Variants in COG5 observed in about 807,000 individuals in gnomAD.
COG5 encodes the protein conserved oligomeric Golgi complex subunit 5.
A neutral mutation model predicts 110.4 loss-of-function variants in COG5; 86 were observed. The ratio of observed to expected loss-of-function variants is 0.78; its 90% CI spans 0.65 to 0.93. COG5 has a LOEUF of 0.93. COG5 is among the 40% of genes least tolerant of loss of function. The pLI, the probability that COG5 is intolerant of heterozygous loss-of-function variation, is 0.00. For synonymous variants in COG5, 360 were observed against 334.6 expected (o/e 1.08, Z -0.83); for missense variants, 1,077 against 987.0 (o/e 1.09, Z -1.22).
intron 10 of COG5, among the ~76,000 whole-genome samples, chr7:107,355,731 AAGAC>A (rs1812569828): frequency 6.6e-6 from 1 of 152,218 alleles, no homozygotes; most frequent in Admixed American, 6.5e-5. Flanking sequence ...AAAAACTATG[AAGAC>A]AGTAAAAAGA....
chr7:107,342,664 C>T (rs936531536), intron 10 of COG5, among the ~76,000 whole-genome samples: 2 of 151,680 alleles, frequency 1.3e-5, no homozygotes, highest in Non-Finnish European at 1.5e-5. Context: ...GGCAACAGAG[C>T]GAGACTCTGT....
intron 7 of COG5, among the ~76,000 whole-genome samples, chr7:107,384,186 A>G (rs766556216): frequency 1.3e-5 from 2 of 152,074 alleles, no homozygotes; most frequent in Non-Finnish European, 2.9e-5. Context: ...GAACCCTTAG[A>G]TTGGCCTCTA....
chr7:107,335,767 G>C (rs929386244), intron 10 of COG5, among the ~76,000 whole-genome samples: 3 of 152,084 alleles, frequency 2.0e-5, no homozygotes, highest in Non-Finnish European at 4.4e-5. Context: ...TGAATGTAAA[G>C]GGATGCAAAA....
At chr7:107,261,852 T>G (rs1413568568) in intron 14 of COG5, among the ~76,000 whole-genome samples, 1 of 152,130 alleles carries the variant, frequency 6.6e-6, no homozygotes, top group Non-Finnish European at 1.5e-5. Context: ...AATTTTAATT[T>G]CTGTAAGTAC....
At chr7:107,458,976 C>T (rs1255911151) in intron 6 of COG5, among the ~76,000 whole-genome samples, 3 of 151,002 alleles carry the variant, frequency 2.0e-5, no homozygotes, top group East Asian at 3.9e-4. Flanking sequence ...GCCAATAAGT[C>T]AGCAGAGAAG....
At chr7:107,358,572 T>C (rs1323947768) in intron 10 of COG5, among the ~76,000 whole-genome samples, 1 of 152,226 alleles carries the variant, frequency 6.6e-6, no homozygotes, top group African/African-American at 2.4e-5. Flanking sequence ...AGGTTGGTAT[T>C]TGGCTAGCAT....
intron 10 of COG5, among the ~76,000 whole-genome samples, chr7:107,333,743 C>T (rs1810464712): frequency 6.6e-6 from 1 of 151,930 alleles, no homozygotes; most frequent in African/African-American, 2.4e-5. Context: ...TTTGGAGGAG[C>T]AATAGAGATA....
chr7:107,346,310 T>G (rs1263995688), intron 10 of COG5, among the ~76,000 whole-genome samples: 1 of 152,170 alleles, frequency 6.6e-6, no homozygotes, highest in Non-Finnish European at 1.5e-5. Context: ...TCTGTTAATA[T>G]TTCCATGGAA....
chr7:107,424,089 A>G (rs1374989128), intron 6 of COG5, among the ~76,000 whole-genome samples: 2 of 151,892 alleles, frequency 1.3e-5, no homozygotes, highest in Non-Finnish European at 2.9e-5. Context: ...CCTGGGCAAC[A>G]TCATGAAACC....
At chr7:107,208,518 G>A in intron 21 of COG5, 2 of 985,386 alleles carry the variant, frequency 2.0e-6, no homozygotes, top group South Asian at 4.7e-5. Flanking sequence ...ACGACTGAGT[G>A]TGTTGCAGCT....
intron 6 of COG5, among the ~76,000 whole-genome samples, chr7:107,501,924 TCA>T (rs1798662073): frequency 6.6e-6 from 1 of 152,124 alleles, no homozygotes; most frequent in East Asian, 1.9e-4. Flanking sequence ...GAAGAAGTTG[TCA>T]CACACAAAAA....
intron 2 of COG5, among the ~76,000 whole-genome samples, chr7:107,557,662 T>G (rs1803423189): frequency 1.3e-5 from 2 of 152,360 alleles, no homozygotes; most frequent in South Asian, 4.1e-4. Flanking sequence ...TCATATTGTT[T>G]TACTTCCAAA....
chr7:107,355,380 T>A (rs983872630), intron 10 of COG5, among the ~76,000 whole-genome samples: 6 of 152,148 alleles, frequency 3.9e-5, no homozygotes, highest in Admixed American at 2.6e-4. Flanking sequence ...CTACATATAG[T>A]CTAACAATAC....
At chr7:107,468,586 T>C (rs2129106337) in intron 6 of COG5, among the ~76,000 whole-genome samples, 1 of 152,276 alleles carries the variant, frequency 6.6e-6, no homozygotes, top group East Asian at 1.9e-4. Flanking sequence ...TGCAGAAGAT[T>C]TTAGAAATTC....
At chr7:107,386,444 C>G (rs1790202549) in intron 7 of COG5, among the ~76,000 whole-genome samples, 1 of 151,994 alleles carries the variant, frequency 6.6e-6, no homozygotes, top group South Asian at 2.1e-4. Context: ...AGCTGGTGCC[C>G]CGTGTGAGGA....
intron 6 of COG5, among the ~76,000 whole-genome samples, chr7:107,512,655 G>A (rs1434607461): frequency 6.6e-6 from 1 of 152,134 alleles, no homozygotes; most frequent in African/African-American, 2.4e-5. Flanking sequence ...TATACTACAA[G>A]GCTACAGTAA....
At chr7:107,247,153 G>C (rs1802118155) in intron 17 of COG5, among the ~76,000 whole-genome samples, 1 of 152,150 alleles carries the variant, frequency 6.6e-6, no homozygotes, top group Admixed American at 6.5e-5. Context: ...TCACTTATAA[G>C]TGGGATCTAA....
intron 10 of COG5, among the ~76,000 whole-genome samples, chr7:107,329,408 C>CA (rs1334285022): frequency 6.6e-6 from 1 of 151,962 alleles, no homozygotes; most frequent in Non-Finnish European, 1.5e-5. Flanking sequence ...TATGTTAAAG[C>CA]AATGATTTTC....
intron 6 of COG5, among the ~76,000 whole-genome samples, chr7:107,483,634 G>A (rs1469429109): frequency 6.6e-6 from 1 of 151,858 alleles, no homozygotes; most frequent in Non-Finnish European, 1.5e-5. Flanking sequence ...AACCTGGGAG[G>A]CAAAGGTTGT....
Sources: gnomAD v4.1 joint callset for allele counts (sites outside exome capture counted in the v4.1 genomes callset) on GRCh38, gnomAD v4.1.1 for gene constraint, MANE v1.5 for transcripts, NCBI Gene and HGNC (gene_info 2026-07-23, HGNC 2026-07-21) for gene names.